The following ROCK2 variants were observed in gnomAD, a reference collection of about 807,000 sequenced individuals.
ROCK2 encodes the protein Rho associated coiled-coil containing protein kinase 2, also known as rho-associated protein kinase 2.
In ROCK2, 61 loss-of-function variants were observed where a neutral mutation model predicts 195.1. The ratio of observed to expected loss-of-function variants is 0.31; its 90% CI spans 0.25 to 0.39. The LOEUF (loss-of-function observed/expected upper bound fraction) is 0.39. ROCK2 is among the 10% of genes least tolerant of loss of function. ROCK2 has a pLI of 1.00. For missense variants in ROCK2, 1,109 were observed against 1,637.4 expected (o/e 0.68, Z 5.57); for synonymous variants, 504 against 545.5 (o/e 0.92, Z 1.06).
intron 4 of ROCK2, among the ~76,000 whole-genome samples, chr2:11,244,156 AG>A (rs1474489574): frequency 6.6e-6 from 1 of 152,226 alleles, no homozygotes; most frequent in African/African-American, 2.4e-5. Flanking sequence ...TGTCATTAGT[AG>A]ACCTGTATTT....
rs1177019429 is a variant in ROCK2, at chr2:11,179,961, T to G, written c.*3476A>C. The G allele has an allele frequency of 6.6e-6, 1 of 151,916 alleles. No homozygotes were observed. The highest frequency in any genetic ancestry group is 2.4e-5 in the African/African-American group (1 of 41,308). The allele number at this position is 151,916 out of a possible 1,614,324, so 9.4% of individuals were successfully genotyped here. Reference sequence around the variant, plus strand: ...TACTTATTACAATTCCAAACAAAACTCATTATTATGGGGATGGGAGTCAGG... The same window carrying G: ...TACTTATTACAATTCCAAACAAAACGCATTATTATGGGGATGGGAGTCAGG... On this transcript the variant is annotated 3_prime_UTR_variant, in exon 33 of 33. Transcript: ENST00000315872.
intron 32 of ROCK2, among the ~76,000 whole-genome samples, chr2:11,190,773 T>G (rs1321016098): frequency 6.6e-6 from 1 of 152,164 alleles, no homozygotes; most frequent in African/African-American, 2.4e-5. Context: ...CTGAAATCAC[T>G]ACACACTATA....
At chr2:11,339,489 C>A (rs1404114689) in intron 1 of ROCK2, among the ~76,000 whole-genome samples, 1 of 149,676 alleles carries the variant, frequency 6.7e-6, no homozygotes, top group Non-Finnish European at 1.5e-5. Flanking sequence ...GAATTATTCA[C>A]GTGAGCTCCA....
chr2:11,308,172 C>CACAGA, intron 1 of ROCK2: 1 of 1,598,834 alleles, frequency 6.3e-7, no homozygotes, highest in Non-Finnish European at 8.6e-7. Context: ...CCAAGCTCAA[C>CACAGA]ACAATAATTC....
At chr2:11,213,071 CTAT>C (rs1261775634) in intron 17 of ROCK2, among the ~76,000 whole-genome samples, 1 of 152,194 alleles carries the variant, frequency 6.6e-6, no homozygotes, top group Non-Finnish European at 1.5e-5. Flanking sequence ...ATCTAATCAA[CTAT>C]TAAGTGCTGC....
chr2:11,205,866 T>C (rs894101534), intron 20 of ROCK2, among the ~76,000 whole-genome samples: 15 of 152,100 alleles, frequency 9.9e-5, no homozygotes, highest in African/African-American at 3.6e-4. Context: ...TCCAGTACTT[T>C]GGGAGGCAAA....
rs1051944347 is a variant in ROCK2, at chr2:11,305,113, T to C, written c.142-17377A>G. On this transcript the variant is annotated intron_variant, in intron 1 of 32. Transcript: ENST00000315872. ...ACAGGGGGCCAGGTGTGGTGGCTCATGCCTGTAATCCCAACACTTTGGGAG... is the reference window on the plus strand; with the variant it reads ...ACAGGGGGCCAGGTGTGGTGGCTCACGCCTGTAATCCCAACACTTTGGGAG... 3.3e-5 allele frequency among the ~76,000 whole-genome samples: 5 copies of C among 152,296 alleles called. 1 individual carries two copies. In the South Asian group the frequency reaches 1.0e-3, roughly 32 times the overall value.
chr2:11,301,774 G>A (rs1369984499), intron 1 of ROCK2, among the ~76,000 whole-genome samples: 23 of 57,554 alleles, frequency 4.0e-4, no homozygotes, highest in Non-Finnish European at 8.3e-4. Flanking sequence ...GTGAAACGCC[G>A]CCTCAAAAAA....
At chr2:11,191,493 T>C (rs867425037) in intron 32 of ROCK2, among the ~76,000 whole-genome samples, 6 of 152,202 alleles carry the variant, frequency 3.9e-5, no homozygotes, top group African/African-American at 9.6e-5. Flanking sequence ...TTTAAATTTA[T>C]AGATTTGATT....
Position 11,183,258 on chromosome 2 carries a change from G to T in ROCK2, c.*179C>A. The T allele has an allele frequency of 2.0e-6, 1 of 509,770 alleles. No individual in the cohort carries two copies. 31.6% of individuals were successfully genotyped at this position (509,770 alleles called of 1,614,324 possible). ...GTTGGTTCAACCTGTTGCTTCAAAG[G>T]AGCCCAGATTTGTAATTTATATTAC... is the stretch of plus-strand genomic sequence containing the variant. On this transcript the variant is annotated 3_prime_UTR_variant, in exon 33 of 33. Coordinates refer to ENST00000315872, the MANE Select transcript of ROCK2 (RefSeq NM_004850.5).
At chr2:11,245,719 A>G (rs1471495468) in intron 4 of ROCK2, among the ~76,000 whole-genome samples, 1 of 152,164 alleles carries the variant, frequency 6.6e-6, no homozygotes, top group Non-Finnish European at 1.5e-5. Context: ...GCAAGCTATC[A>G]AAGATTATTA....
In ROCK2 at chr2:11,290,404, G is replaced by C. The variant is rs1166187173; in HGVS notation, c.142-2668C>G. Among the ~76,000 whole-genome samples the C allele has an allele frequency of 2.0e-5, 3 of 152,192 alleles. No homozygotes were observed. The East Asian group carries it at 5.8e-4, about 29-fold the overall frequency. ...GCTTGAGCCCAGGAGTTCAAGAGCAGCCTGGGCAACACAGCAAGACCCCAT... is the reference window on the plus strand; with the variant it reads ...GCTTGAGCCCAGGAGTTCAAGAGCACCCTGGGCAACACAGCAAGACCCCAT... On this transcript the variant is annotated intron_variant, in intron 1 of 32. Coordinates refer to ENST00000315872, the MANE Select transcript of ROCK2 (RefSeq NM_004850.5).
intron 3 of ROCK2, among the ~76,000 whole-genome samples, chr2:11,273,529 T>C (rs544593027): frequency 1.6e-3 from 247 of 151,996 alleles, no homozygotes; most frequent in Non-Finnish European, 2.3e-3. Context: ...GAGGGAGAAA[T>C]AGACAGCTCT....
At chr2:11,191,179 C>A (rs905905750) in intron 32 of ROCK2, among the ~76,000 whole-genome samples, 1 of 152,146 alleles carries the variant, frequency 6.6e-6, no homozygotes, top group African/African-American at 2.4e-5. Flanking sequence ...ATGCTTTTTC[C>A]TTTAGCTAAC....
intron 1 of ROCK2, among the ~76,000 whole-genome samples, chr2:11,316,787 C>T (rs553158871): frequency 6.6e-6 from 1 of 152,154 alleles, no homozygotes; most frequent in Non-Finnish European, 1.5e-5. Flanking sequence ...CCTCTGACTG[C>T]TAATAAGTCA....
intron 18 of ROCK2, among the ~76,000 whole-genome samples, 174 bp downstream of exon 18, chr2:11,211,507 T>A (rs1157106750): frequency 3.3e-5 from 5 of 152,186 alleles, no homozygotes; most frequent in Non-Finnish European, 7.4e-5. Flanking sequence ...ACTGTAATGA[T>A]ACAAAGGAAA....
chr2:11,344,391 A>C lies in ROCK2; in HGVS notation c.-255T>G. On this transcript the variant is annotated 5_prime_UTR_variant, in exon 1 of 33. Transcript: ENST00000315872. The surrounding 1 kb of genome is among the most constrained non-coding windows in gnomAD (Gnocchi z 5.4). The stretch of plus-strand genomic sequence containing the variant: ...GGAACAGACGGCGTCCCCGCCCCTC[A>C]GTCAGATTCGCGCCGCCGGTCCGCT... The C allele has an allele frequency of 1.8e-6, 2 of 1,123,350 alleles. No individual in the cohort carries two copies. Among genetic ancestry groups the C allele is most frequent in the South Asian group, 4.4e-5 (1 of 22,606 alleles). The allele number at this position is 1,123,350 out of a possible 1,614,324, so 69.6% of individuals were successfully genotyped here. A position where few individuals can be genotyped will look rare whatever the true frequency, so the allele number is the denominator to read the frequency against.
intron 20 of ROCK2, among the ~76,000 whole-genome samples, chr2:11,205,494 A>C (rs958691908): frequency 1.3e-5 from 2 of 151,758 alleles, no homozygotes; most frequent in African/African-American, 4.8e-5. Context: ...TAATTCCTTT[A>C]CTAGAGTTTT....
chr2:11,208,180 A>G, intron 19 of ROCK2, 107 bp downstream of exon 19: 1 of 651,978 alleles, frequency 1.5e-6, no homozygotes, highest in African/African-American at 1.9e-5. Context: ...CAGGTTGCAG[A>G]CTATTATAAG....
Sources: gnomAD v4.1 joint callset for allele counts (sites outside exome capture counted in the v4.1 genomes callset) on GRCh38, gnomAD v4.1.1 for gene constraint, Gnocchi (gnomAD v3.1) non-coding constraint, MANE v1.5 for transcripts, NCBI Gene and HGNC (gene_info 2026-07-23, HGNC 2026-07-21) for gene names.